Variants in CDCA2 observed in about 807,000 individuals in gnomAD.
The protein encoded by CDCA2 is cell division cycle associated 2.
A neutral mutation model predicts 67.0 loss-of-function variants in CDCA2; 44 were observed. That is an observed-to-expected ratio of 0.66 (90% CI 0.52 to 0.84). The LOEUF is 0.84. Among genes scored for constraint, CDCA2 ranks in the 40% least tolerant of loss-of-function variants. The pLI is 0.00. For synonymous variants in CDCA2, 447 were observed against 418.7 expected, an observed-to-expected ratio of 1.07 and a Z score of -0.82; for missense variants, 1,253 against 1,203.2, an observed-to-expected ratio of 1.04 and a Z score of -0.61.
intron 14 of CDCA2, among the ~76,000 whole-genome samples, chr8:25,504,287 A>ATT (rs200400976): frequency 7.0e-6 from 1 of 142,364 alleles, no homozygotes; most frequent in Admixed American, 7.0e-5. Context: ...AATAATAATG[A>ATT]TTTTTTTTTT....
chr8:25,499,865 A>G (rs1804402343), intron 13 of CDCA2, among the ~76,000 whole-genome samples: 2 of 152,194 alleles, frequency 1.3e-5, no homozygotes, highest in Admixed American at 1.3e-4. Context: ...AGCATATACA[A>G]CTTCTTCTGT....
chr8:25,474,755 T>G (rs1803282280), intron 7 of CDCA2, among the ~76,000 whole-genome samples: 1 of 152,170 alleles, frequency 6.6e-6, no homozygotes, highest in Admixed American at 6.5e-5. Context: ...TACTATTGTT[T>G]GGAATCTGTA....
rs142080208 is a variant in CDCA2 at position 25,460,397 on chromosome 8, C to G, written c.75C>G (p.Phe25Leu). ...SAMNNAGNASFILGTGKIVTP... is the reference protein window; with the variant it reads ...SAMNNAGNASLILGTGKIVTP... Reference sequence around the variant, plus strand: ...CGTCCGTTTCAGGAAATGCCTCTTTCATTTTGGGAACTGGGAAGATTGTGA... The same window carrying G: ...CGTCCGTTTCAGGAAATGCCTCTTTGATTTTGGGAACTGGGAAGATTGTGA... The change falls in exon 3 of 15, where the codon TTC becomes TTG. Residue 25 changes from phenylalanine to leucine, a missense_variant. By Grantham distance (22) the Phe-to-Leu change is conservative (BLOSUM62 0). Coordinates refer to ENST00000330560, the MANE Select transcript of CDCA2 (RefSeq NM_152562.4). The G allele has an allele frequency of 2.2e-4, 363 of 1,614,156 alleles. No homozygotes were observed. In the East Asian group the frequency reaches 3.9e-3, roughly 17 times the overall value.
chr8:25,464,660 A>G (rs1011840383), intron 4 of CDCA2, among the ~76,000 whole-genome samples: 8 of 152,236 alleles, frequency 5.3e-5, no homozygotes, highest in Non-Finnish European at 7.4e-5. Flanking sequence ...AAAGTGCTGC[A>G]TGTTCCTAGG....
chr8:25,499,028 G>A (rs1465047004), intron 13 of CDCA2, among the ~76,000 whole-genome samples: 1 of 152,136 alleles, frequency 6.6e-6, no homozygotes, highest in African/African-American at 2.4e-5. Flanking sequence ...TGGGGTTAGG[G>A]GAGTATAGAT....
chr8:25,463,028 TTTTTA>T (rs1802762309), intron 4 of CDCA2, among the ~76,000 whole-genome samples: 1 of 148,490 alleles, frequency 6.7e-6, no homozygotes, highest in South Asian at 2.1e-4. Flanking sequence ...CTAGAGGAGC[TTTTTA>T]TTTTATTTCT....
chr8:25,480,237 G>A (rs563497480), intron 8 of CDCA2, 113 bp downstream of exon 8: 25 of 887,866 alleles, frequency 2.8e-5, no homozygotes, highest in African/African-American at 8.5e-5. Context: ...TGTCTTACTC[G>A]TCTTACCGTA....
chr8:25,459,648 A>G (rs191313503), intron 1 of CDCA2, among the ~76,000 whole-genome samples, 175 bp downstream of exon 1: 1 of 152,362 alleles, frequency 6.6e-6, no homozygotes, highest in Non-Finnish European at 1.5e-5. Flanking sequence ...CTGCGTCTTG[A>G]GAGGGGTACC....
At chr8:25,496,150 A>T (rs908129148) in intron 13 of CDCA2, among the ~76,000 whole-genome samples, 2 of 151,980 alleles carry the variant, frequency 1.3e-5, no homozygotes, top group Non-Finnish European at 2.9e-5. Context: ...GAAGGATGCT[A>T]AAAAAAACTA....
rs752057603 is a variant in CDCA2, at chr8:25,503,395, AGAAAG to A, written c.1701_1705del (p.Gly569GlufsTer16). ...CAGGTTTTAAAAAGTTGCAGAAAGA[AGAAAG>A]GAAAGGGAAAGAAAAGTGTTCAGAA... On this transcript the variant is annotated frameshift_variant, in exon 14 of 15. Transcript: ENST00000330560. LOFTEE classifies it high-confidence loss of function. 231 of 1,613,828 alleles carry A rather than the reference AGAAAG, an allele frequency of 1.4e-4. No homozygotes were observed. Among genetic ancestry groups the A allele is most frequent in the Non-Finnish European group, 1.7e-4 (202 of 1,179,802 alleles).
chr8:25,488,816 C>G, intron 13 of CDCA2, 127 bp downstream of exon 13: 1 of 928,288 alleles, frequency 1.1e-6, no homozygotes, highest in East Asian at 3.1e-5. Flanking sequence ...TGCAATCTTA[C>G]CGTGGAGTAG....
At position 25,506,966 on chromosome 8, in the gene CDCA2, A is replaced by T; in HGVS notation, c.2300A>T (p.Asp767Val). ...TTAAACATAAAGTGTGAAAGAAAGG[A>T]TGACTTCTTAGGAGCTGCAGAAGGA... ...PDLNIKCERK[D>V]DFLGAAEGKL... Residue 767 changes from aspartate (D) to valine (V), a missense_variant, in exon 15 of 15, where the codon GAT (aspartate) becomes GTT (valine). Physicochemically the swap from Asp to Val is radical, Grantham distance 152. Transcript: ENST00000330560. The T allele has an allele frequency of 6.2e-7, 1 of 1,614,090 alleles. No homozygotes were observed. Among genetic ancestry groups the T allele is most frequent in the Admixed American group, 1.7e-5 (1 of 60,022 alleles).
At chr8:25,468,532 G>GTGTGTGTGT in intron 6 of CDCA2, 119 bp downstream of exon 6, 2 of 423,118 alleles carry the variant, frequency 4.7e-6, no homozygotes, top group Non-Finnish European at 8.4e-6. Context: ...TGGTTCCTGG[G>GTGTGTGTGT]GTGTGTGTGT....
At chr8:25,492,698 G>T (rs1365497242) in intron 13 of CDCA2, among the ~76,000 whole-genome samples, 3 of 152,202 alleles carry the variant, frequency 2.0e-5, no homozygotes, top group Admixed American at 2.0e-4. Flanking sequence ...TGGCAGAGCC[G>T]TGAAAAATGT....
At chr8:25,482,953 G>A (rs932646159) in intron 8 of CDCA2, among the ~76,000 whole-genome samples, 2 of 152,172 alleles carry the variant, frequency 1.3e-5, no homozygotes, top group African/African-American at 4.8e-5. Flanking sequence ...AAGTATACGG[G>A]AGGATGTACT....
chr8:25,490,953 A>G (rs1413424949), intron 13 of CDCA2, among the ~76,000 whole-genome samples: 2 of 152,212 alleles, frequency 1.3e-5, no homozygotes, highest in Non-Finnish European at 2.9e-5. Context: ...AAGTGAAAAG[A>G]CCAATGTTAA....
Position 25,462,041 on chromosome 8 carries a change from A to G in CDCA2, c.233-13A>G, listed in dbSNP as rs780352351. The G allele has an allele frequency of 4.3e-6, 7 of 1,610,362 alleles. No homozygotes were observed. Among genetic ancestry groups the G allele is most frequent in the Non-Finnish European group, 5.9e-6 (7 of 1,177,004 alleles). On this transcript the variant is annotated splice_polypyrimidine_tract_variant and intron_variant, in intron 3 of 14. Transcript: ENST00000330560. ...CTTGTTTTGTTCCAATTTATAAGAGAGTTTCATTACAGGAAAGTCATCATC... is the reference window on the plus strand; with the variant it reads ...CTTGTTTTGTTCCAATTTATAAGAGGGTTTCATTACAGGAAAGTCATCATC...
chr8:25,500,660 C>G (rs1214704499), intron 13 of CDCA2, among the ~76,000 whole-genome samples: 1 of 152,122 alleles, frequency 6.6e-6, no homozygotes, highest in African/African-American at 2.4e-5. Context: ...GTGTGTGCCA[C>G]CATGCCTGGC....
At chr8:25,490,172 A>G (rs915102108) in intron 13 of CDCA2, among the ~76,000 whole-genome samples, 2 of 152,132 alleles carry the variant, frequency 1.3e-5, no homozygotes, top group African/African-American at 4.8e-5. Flanking sequence ...TATACATACA[A>G]CTTATTACAT....
Sources: gnomAD v4.1 joint callset for allele counts (sites outside exome capture counted in the v4.1 genomes callset) on GRCh38, gnomAD v4.1.1 for gene constraint, MANE v1.5 for transcripts, NCBI Gene and HGNC (gene_info 2026-07-23, HGNC 2026-07-21) for gene names.